Variants in CNTNAP2 observed in about 807,000 individuals in gnomAD.
CNTNAP2 encodes contactin associated protein 2, also known as contactin-associated protein-like 2.
In CNTNAP2, 98 loss-of-function variants were observed where a neutral mutation model predicts 155.2. The observed-to-expected ratio is 0.63, with a 90% CI of 0.54 to 0.75. CNTNAP2 has a LOEUF of 0.75. Among genes scored for constraint, CNTNAP2 ranks in the 30% least tolerant of loss-of-function variants. CNTNAP2 has a pLI of 0.00. For missense variants in CNTNAP2, 1,727 were observed against 1,688.1 expected (o/e 1.02, Z -0.40); for synonymous variants, 651 against 631.2 (o/e 1.03, Z -0.47).
chr7:146,246,265 A>T (rs1353693757), intron 1 of CNTNAP2, among the ~76,000 whole-genome samples: 1 of 150,728 alleles, frequency 6.6e-6, no homozygotes, highest in East Asian at 2.0e-4. Flanking sequence ...GACGCAAAGG[A>T]GGCTTTGGAT....
intron 14 of CNTNAP2, among the ~76,000 whole-genome samples, chr7:147,918,642 A>G (rs1223778781): frequency 6.6e-6 from 1 of 152,234 alleles, no homozygotes; most frequent in African/African-American, 2.4e-5. Context: ...CCCGGTATTA[A>G]GGTGAAATCA....
At chr7:146,547,803 A>T (rs1798050913) in intron 1 of CNTNAP2, among the ~76,000 whole-genome samples, 1 of 150,302 alleles carries the variant, frequency 6.7e-6, no homozygotes. Context: ...CCTGGTTTTA[A>T]TTATTTTGGA....
intron 3 of CNTNAP2, among the ~76,000 whole-genome samples, chr7:147,021,504 C>T (rs544434305): frequency 6.6e-6 from 1 of 152,186 alleles, no homozygotes; most frequent in South Asian, 2.1e-4. Context: ...CTATTATTCC[C>T]CTTAGCATGA....
At chr7:147,929,821 T>C (rs968498048) in intron 14 of CNTNAP2, among the ~76,000 whole-genome samples, 6 of 152,220 alleles carry the variant, frequency 3.9e-5, no homozygotes, top group African/African-American at 1.4e-4. Flanking sequence ...AATTTTTCTA[T>C]GGACCAGGGT....
chr7:148,126,469 A>G (rs1251093165), intron 16 of CNTNAP2, among the ~76,000 whole-genome samples: 1 of 152,234 alleles, frequency 6.6e-6, no homozygotes, highest in African/African-American at 2.4e-5. Context: ...ATATGTGGAA[A>G]GGTGGAAGGA....
At chr7:146,907,878 C>T (rs1006609849) in intron 3 of CNTNAP2, among the ~76,000 whole-genome samples, 5 of 152,044 alleles carry the variant, frequency 3.3e-5, no homozygotes, top group Non-Finnish European at 4.4e-5. Context: ...GAGTCAAGAC[C>T]CATCAGTGTG....
intron 9 of CNTNAP2, among the ~76,000 whole-genome samples, chr7:147,320,622 T>C (rs1476586869): frequency 6.6e-6 from 1 of 152,196 alleles, no homozygotes; most frequent in Non-Finnish European, 1.5e-5. Context: ...TAGAGTAGTA[T>C]ATAAATTAAA....
At chr7:146,975,156 T>C (rs1415483692) in intron 3 of CNTNAP2, among the ~76,000 whole-genome samples, 1 of 151,990 alleles carries the variant, frequency 6.6e-6, no homozygotes, top group African/African-American at 2.4e-5. Context: ...GGAGAGAGAA[T>C]CCAGAGTGAA....
At chr7:147,473,939 C>T (rs368308040) in intron 10 of CNTNAP2, among the ~76,000 whole-genome samples, 4 of 151,766 alleles carry the variant, frequency 2.6e-5, no homozygotes, top group South Asian at 2.1e-4. Flanking sequence ...ATCAGCCGGG[C>T]GTGGTGGCAC....
At chr7:147,613,962 G>T (rs1801236308) in intron 12 of CNTNAP2, among the ~76,000 whole-genome samples, 1 of 151,996 alleles carries the variant, frequency 6.6e-6, no homozygotes, top group East Asian at 1.9e-4. Context: ...TTAAAGACAG[G>T]GATCTAATTT....
intron 10 of CNTNAP2, among the ~76,000 whole-genome samples, chr7:147,429,152 GTA>G (rs141561595): frequency 2.0e-3 from 289 of 144,984 alleles, no homozygotes; most frequent in Middle Eastern, 7.2e-3. Context: ...GTGTGTTTGT[GTA>G]TATATATATA....
At chr7:147,985,116 AAATAAATAAAT>A (rs1391373108) in intron 15 of CNTNAP2, among the ~76,000 whole-genome samples, 2 of 65,486 alleles carry the variant, frequency 3.1e-5, no homozygotes, top group Admixed American at 1.2e-4. Flanking sequence ...CTCTGTCAAA[AAATAAATAAAT>A]AAATAAATAA....
intron 10 of CNTNAP2, among the ~76,000 whole-genome samples, chr7:147,457,490 T>TA: frequency 8.6e-6 from 1 of 116,566 alleles, no homozygotes; most frequent in East Asian, 2.7e-4. Context: ...TTTCCCACTG[T>TA]AGCGCTTACT....
At chr7:148,150,831 C>A (rs1805283222) in intron 17 of CNTNAP2, among the ~76,000 whole-genome samples, 1 of 152,022 alleles carries the variant, frequency 6.6e-6, no homozygotes, top group Admixed American at 6.6e-5. Flanking sequence ...GCAGCCTCAA[C>A]CTCCCAGGCT....
At chr7:148,239,570 G>A (rs747150661) in intron 20 of CNTNAP2, among the ~76,000 whole-genome samples, 31 of 152,096 alleles carry the variant, frequency 2.0e-4, no homozygotes, top group African/African-American at 6.5e-4. Flanking sequence ...TTGTAATGTC[G>A]CCTCTGGTTT....
intron 1 of CNTNAP2, among the ~76,000 whole-genome samples, chr7:146,484,009 C>T (rs1020310543): frequency 8.5e-5 from 13 of 152,254 alleles, no homozygotes; most frequent in South Asian, 8.3e-4. Context: ...ATGTAAGCTC[C>T]GTTCATAGTA....
intron 8 of CNTNAP2, among the ~76,000 whole-genome samples, chr7:147,289,936 C>T (rs1428515117): frequency 6.6e-6 from 1 of 152,086 alleles, no homozygotes; most frequent in African/African-American, 2.4e-5. Context: ...ATGAATAGCA[C>T]CACTATTACT....
At chr7:147,053,630 T>A (rs539667423) in intron 4 of CNTNAP2, among the ~76,000 whole-genome samples, 2 of 152,202 alleles carry the variant, frequency 1.3e-5, no homozygotes, top group South Asian at 2.1e-4. Context: ...CAGAGAGTAA[T>A]ATGCAATTAG....
intron 12 of CNTNAP2, among the ~76,000 whole-genome samples, chr7:147,618,774 T>A (rs1801341351): frequency 6.6e-6 from 1 of 151,156 alleles, no homozygotes; most frequent in Non-Finnish European, 1.5e-5. Flanking sequence ...AAGGAATTGT[T>A]TTTTGCTTTT....
Sources: gnomAD v4.1 joint callset for allele counts (sites outside exome capture counted in the v4.1 genomes callset) on GRCh38, gnomAD v4.1.1 for gene constraint, MANE v1.5 for transcripts, NCBI Gene and HGNC (gene_info 2026-07-23, HGNC 2026-07-21) for gene names.